The following DARS1 variants were observed in gnomAD, a reference collection of about 807,000 sequenced individuals.
DARS1 encodes aspartate--tRNA ligase, cytoplasmic.
DARS1 carries 51 observed loss-of-function variants against 68.8 expected under a neutral mutation model. The ratio of observed to expected loss-of-function variants is 0.74; its 90% CI spans 0.59 to 0.94. The LOEUF is 0.94. Ranked by LOEUF, DARS1 falls within the 40% of genes least tolerant of loss-of-function variation. The pLI is 0.00. For missense variants in DARS1, 607 were observed against 597.3 expected, an observed-to-expected ratio of 1.02 and a Z score of -0.17; for synonymous variants, 203 against 190.4, an observed-to-expected ratio of 1.07 and a Z score of -0.55.
intron 15 of DARS1, among the ~76,000 whole-genome samples, chr2:135,909,076 T>C (rs999314060): frequency 2.1e-4 from 30 of 139,960 alleles, no homozygotes; most frequent in Non-Finnish European, 4.1e-4. Context: ...AAGTGGGAGC[T>C]GAACAATGAG....
intron 9 of DARS1, 69 bp from the exon 10 acceptor site, chr2:135,920,669 A>G (rs1575385457): frequency 6.7e-7 from 1 of 1,488,848 alleles, no homozygotes; most frequent in East Asian, 2.4e-5. Context: ...GGATTTAAAT[A>G]CAAACTTTTA....
intron 3 of DARS1, among the ~76,000 whole-genome samples, chr2:135,967,463 T>C (rs1682262586): frequency 6.6e-6 from 1 of 152,246 alleles, no homozygotes; most frequent in African/African-American, 2.4e-5. Context: ...TGCAGACTTA[T>C]GCTCATATGT....
At chr2:135,942,986 T>C (rs1681641173) in intron 5 of DARS1, among the ~76,000 whole-genome samples, 1 of 152,226 alleles carries the variant, frequency 6.6e-6, no homozygotes, top group African/African-American at 2.4e-5. Flanking sequence ...AAGTAGAAGC[T>C]TGAAAAGTGT....
intron 4 of DARS1, among the ~76,000 whole-genome samples, chr2:135,950,346 T>G (rs1210451127): frequency 6.6e-6 from 1 of 152,234 alleles, no homozygotes; most frequent in African/African-American, 2.4e-5. Context: ...AATGGCCTTT[T>G]CCTCACAGAC....
intron 1 of DARS1, 129 bp from the exon 2 acceptor site, chr2:135,983,583 CAGT>C: frequency 3.8e-6 from 2 of 532,790 alleles, no homozygotes; most frequent in Non-Finnish European, 6.6e-6. Flanking sequence ...TTCAGAAAGT[CAGT>C]AGTTTCATAA....
chr2:135,968,329 T>A (rs183106645), intron 3 of DARS1, among the ~76,000 whole-genome samples: 1 of 152,176 alleles, frequency 6.6e-6, no homozygotes, highest in Non-Finnish European at 1.5e-5. Context: ...TGCTGACAAG[T>A]GTCTCAGTAC....
chr2:135,934,134 T>C (rs897970894), intron 5 of DARS1, 144 bp from the exon 6 acceptor site: 62 of 1,382,694 alleles, frequency 4.5e-5, no homozygotes, highest in Middle Eastern at 2.0e-4. Flanking sequence ...TCAAACAAGA[T>C]GATACAGGTT....
At chr2:135,934,451 G>A (rs1208173775) in intron 5 of DARS1, among the ~76,000 whole-genome samples, 3 of 151,774 alleles carry the variant, frequency 2.0e-5, no homozygotes, top group South Asian at 2.1e-4. Context: ...GTGAAACCCC[G>A]TCTCTACAAA....
At chr2:135,917,042 T>C (rs572645120) in intron 10 of DARS1, among the ~76,000 whole-genome samples, 4 of 151,896 alleles carry the variant, frequency 2.6e-5, no homozygotes, top group Admixed American at 2.0e-4. Flanking sequence ...CAAAAATTAT[T>C]TGGGTGTGGT....
intron 4 of DARS1, among the ~76,000 whole-genome samples, chr2:135,958,156 G>A (rs1230974090): frequency 6.6e-6 from 1 of 152,106 alleles, no homozygotes. Flanking sequence ...TTTAAATAAA[G>A]TATCAGTCAA....
chr2:135,920,465 C>T lies in DARS1; in HGVS notation c.947G>A (p.Gly316Glu). Residue 316 changes from glycine to glutamate, a missense_variant, in exon 10 of 16, where the codon GGA becomes GAA. By Grantham distance (98) the Gly-to-Glu change is moderately conservative. Coordinates refer to ENST00000264161, the MANE Select transcript of DARS1 (RefSeq NM_001349.4). The part of the protein sequence containing the change: ...IADTMVQIFK[G>E]LQERFQTEIQ... ...AAATACTTTTTACCTTTCTTGAAGT[C>T]CTTTGAATATTTGTACCATGGTGTC... 1 of 1,612,588 alleles carries T rather than the reference C, an allele frequency of 6.2e-7. No individual in the cohort carries two copies.
rs12477103 is a variant in DARS1, at chr2:135,910,293, C to A, written c.1414+846G>T. Among the ~76,000 whole-genome samples the A allele has an allele frequency of 9.7e-3, 1,482 of 152,242 alleles. 11 individuals carry two copies. The highest frequency in any genetic ancestry group is 0.051 in the Middle Eastern group (15 of 294). ...ATTTTACATTCCCATCAACTATTTA[C>A]AAACAAGGATTCCCTTTTCTCCACA... On this transcript the variant is annotated intron_variant, in intron 15 of 15. Transcript: ENST00000264161.
rs148806569 is a variant in DARS1 at position 135,911,162 on chromosome 2, G to A, written c.1391C>T (p.Pro464Leu). ...AYIDSFRFGAPPHAGGGIGLE... is the reference protein window; with the variant it reads ...AYIDSFRFGALPHAGGGIGLE... ...ACCAATGCCTCCACCAGCATGAGGA[G>A]GGGCTCCAAAGCGGAAGGAATCAAT... Residue 464 changes from proline (P) to leucine (L), a missense_variant, in exon 15 of 16, where the codon CCT becomes CTT. Physicochemically the swap from Pro to Leu is moderately conservative, Grantham distance 98. Coordinates refer to ENST00000264161, the MANE Select transcript of DARS1 (RefSeq NM_001349.4). 8.5e-5 allele frequency: 130 copies of A among 1,530,152 alleles called. No homozygotes were observed. In the African/African-American group the frequency reaches 1.6e-3, roughly 19 times the overall value. 94.8% of individuals were successfully genotyped at this position (1,530,152 alleles called of 1,614,324 possible).
chr2:135,954,172 G>A (rs1681909133), intron 4 of DARS1, among the ~76,000 whole-genome samples: 1 of 151,756 alleles, frequency 6.6e-6, no homozygotes, highest in South Asian at 2.1e-4. Flanking sequence ...GGAGGGTTTT[G>A]ATCTAACACC....
At chr2:135,984,266 T>C (rs184992554) in intron 1 of DARS1, among the ~76,000 whole-genome samples, 3 of 152,318 alleles carry the variant, frequency 2.0e-5, no homozygotes, top group East Asian at 3.9e-4. Context: ...ACCTATACTA[T>C]CTGTAAGGGT....
chr2:135,907,245 T>TC lies in DARS1; in HGVS notation c.*70_*71insG. 2 of 471,488 alleles carry TC rather than the reference T, an allele frequency of 4.2e-6. No individual in the cohort carries two copies. The highest frequency in any genetic ancestry group is 4.2e-5 in the South Asian group (1 of 23,886). 29.2% of individuals were successfully genotyped at this position (471,488 alleles called of 1,614,324 possible). A position where few individuals can be genotyped will look rare whatever the true frequency, so the allele number is the denominator to read the frequency against. ...TGAAAAGAATAAGTGTGGCTTTCTT[T>TC]TTTTTTTTTTTTTTTTGAGGCAGGG... On this transcript the variant is annotated 3_prime_UTR_variant, in exon 16 of 16. Coordinates refer to ENST00000264161, the MANE Select transcript of DARS1 (RefSeq NM_001349.4).
In DARS1 at chr2:135,906,484, G is replaced by T. The variant is rs1001393196; in HGVS notation, c.*832C>A. On this transcript the variant is annotated 3_prime_UTR_variant, in exon 16 of 16. Transcript: ENST00000264161. The stretch of plus-strand genomic sequence containing the variant: ...TTTTAACCCATGTGAAATGAACTCT[G>T]TCAACCGACCCAAGCTGTCAACTTT... 6.6e-6 allele frequency among the ~76,000 whole-genome samples: 1 copy of T among 152,118 alleles called. No homozygotes were observed. Among genetic ancestry groups the T allele is most frequent in the Non-Finnish European group, 1.5e-5 (1 of 68,008 alleles).
Position 135,924,456 on chromosome 2 carries a change from A to G in DARS1, c.607T>C (p.Cys203Arg), listed in dbSNP as rs778878709. The change falls in exon 8 of 16, where the codon TGC becomes CGC. Residue 203 changes from cysteine to arginine, a missense_variant. Coordinates refer to ENST00000264161, the MANE Select transcript of DARS1 (RefSeq NM_001349.4). Reference sequence around the variant, plus strand: ...ATTAAAGTTTCTCGGAAGAGATGGCAGATGCCAGACTGGAGACGGAAGACT... The same window carrying G: ...ATTAAAGTTTCTCGGAAGAGATGGCGGATGCCAGACTGGAGACGGAAGACT... ...QAVFRLQSGI[C>R]HLFRETLINK... 6.2e-7 allele frequency: 1 copy of G among 1,609,918 alleles called. No individual in the cohort carries two copies. The highest frequency in any genetic ancestry group is 8.5e-7 in the Non-Finnish European group (1 of 1,178,916).
At chr2:135,984,941 A>T (rs1488424716) in intron 1 of DARS1, among the ~76,000 whole-genome samples, 1 of 152,248 alleles carries the variant, frequency 6.6e-6, no homozygotes, top group African/African-American at 2.4e-5. Flanking sequence ...AAGCTGTCAC[A>T]TGGGAAATGG....
Sources: gnomAD v4.1 joint callset for allele counts (sites outside exome capture counted in the v4.1 genomes callset) on GRCh38, gnomAD v4.1.1 for gene constraint, MANE v1.5 for transcripts, NCBI Gene and HGNC (gene_info 2026-07-23, HGNC 2026-07-21) for gene names.